The following DPP7 variants were observed in gnomAD, a reference collection of about 807,000 sequenced individuals.
DPP7 encodes dipeptidyl peptidase 7.
A neutral mutation model predicts 58.8 loss-of-function variants in DPP7; 74 were observed. The ratio of observed to expected loss-of-function variants is 1.26; its 90% CI spans 1.04 to 1.53. DPP7 has a LOEUF of 1.53. Among genes scored for constraint, DPP7 ranks in the 40% most tolerant of loss-of-function variants. DPP7 has a pLI of 0.00. For missense variants in DPP7, 807 were observed against 692.3 expected (o/e 1.17, Z -1.86); for synonymous variants, 350 against 303.6 (o/e 1.15, Z -1.59).
Position 137,112,760 on chromosome 9 carries a change from G to A in DPP7, c.916C>T (p.Leu306=), listed in dbSNP as rs1321776254. The A allele has an allele frequency of 1.9e-6, 3 of 1,607,212 alleles. No homozygotes were observed. In the African/African-American group the frequency reaches 4.0e-5, roughly 21 times the overall value. ...GGAAGGGCACCTGCCAGTGCTCGCA[G>A]CCCCGTGATCCTCTGGGCCTCACTC... ...LLSEAQRITG[L]RALAGLVYNA... is the part of the protein sequence containing the mutation. Residue 306 remains leucine, a synonymous_variant, in exon 8 of 13, where the codon CTG becomes TTG. Coordinates refer to ENST00000371579, the MANE Select transcript of DPP7 (RefSeq NM_013379.3).
intron 11 of DPP7, 108 bp downstream of exon 11, chr9:137,111,582 G>T (rs573465994): frequency 7.8e-7 from 1 of 1,283,884 alleles, no homozygotes; most frequent in Non-Finnish European, 1.1e-6. Context: ...AGGCTGCAGT[G>T]AACCCTGATC....
At position 137,110,860 on chromosome 9, in the gene DPP7, C is replaced by T. The variant is rs1364009903; in HGVS notation, c.1343+20G>A. On this transcript the variant is annotated intron_variant, in intron 12 of 12. Transcript: ENST00000371579. Reference sequence around the variant, plus strand: ...GTCCCGCCCGACCCGCGACCACCGCCAGGCCACCTCCCTCCGCACCTGAGG... The same window carrying T: ...GTCCCGCCCGACCCGCGACCACCGCTAGGCCACCTCCCTCCGCACCTGAGG... The T allele has an allele frequency of 8.1e-6, 13 of 1,609,266 alleles. No homozygotes were observed. Among genetic ancestry groups the T allele is most frequent in the African/African-American group, 1.3e-5 (1 of 74,888 alleles).
chr9:137,111,514 G>A (rs1408904623), intron 11 of DPP7, among the ~76,000 whole-genome samples, 176 bp downstream of exon 11: 1 of 152,184 alleles, frequency 6.6e-6, no homozygotes, highest in African/African-American at 2.4e-5. Context: ...AAATTAGCTG[G>A]GCATGTTGGT....
chr9:137,113,637 G>C, intron 4 of DPP7, 141 bp from the exon 5 acceptor site: 7 of 1,430,174 alleles, frequency 4.9e-6, no homozygotes, highest in Non-Finnish European at 6.4e-6. Flanking sequence ...TGCGGGTGCA[G>C]CTCTCACTGG....
chr9:137,116,423 AAGGTTTAGGGGATTT>A (rs1359806767), upstream of DPP7, among the ~76,000 whole-genome samples: 1 of 152,252 alleles, frequency 6.6e-6, no homozygotes, highest in Non-Finnish European at 1.5e-5. Flanking sequence ...GTATTGACTC[AAGGTTTAGGGGATTT>A]AGGGCTGTGC....
At chr9:137,118,193 G>A (rs1831672445), upstream of DPP7, among the ~76,000 whole-genome samples, 1 of 151,834 alleles carries the variant, frequency 6.6e-6, no homozygotes, top group South Asian at 2.1e-4. Flanking sequence ...TCAGCATGTT[G>A]GCCAGGCTGG....
chr9:137,115,518 A>G (rs1004473970), upstream of DPP7, among the ~76,000 whole-genome samples: 3 of 152,146 alleles, frequency 2.0e-5, no homozygotes. Flanking sequence ...ATGGGCCGCT[A>G]GCCAGGCCCA....
At chr9:137,117,808 A>G (rs1309229989), upstream of DPP7, among the ~76,000 whole-genome samples, 1 of 152,172 alleles carries the variant, frequency 6.6e-6, no homozygotes, top group East Asian at 1.9e-4. Flanking sequence ...GGCATTAGGT[A>G]CATTCCTGCC....
chr9:137,115,404 G>A (rs542523662), upstream of DPP7, among the ~76,000 whole-genome samples: 8 of 152,306 alleles, frequency 5.3e-5, no homozygotes, highest in East Asian at 1.5e-3. Flanking sequence ...GCACCCAGAG[G>A]ATGGAAGAAG....
chr9:137,111,690 C>G lies in DPP7; in HGVS notation c.1272G>C (p.Gly424=). Residue 424 remains glycine, a splice_region_variant and synonymous_variant, in exon 11 of 13, where the codon GGG becomes GGC. Transcript: ENST00000371579. ...NGNLDPWAGG[G]IRRNLSASVI... ...TCATAGGGCCCAGGCCAGGACTCAC[C>G]CCGCCCCCTGCCCAGGGGTCCAGGT... The G allele has an allele frequency of 6.2e-7, 1 of 1,613,462 alleles. No homozygotes were observed. The highest frequency in any genetic ancestry group is 1.1e-5 in the South Asian group (1 of 91,072).
chr9:137,113,030 C>G lies in DPP7; in HGVS notation c.793G>C (p.Ala265Pro), dbSNP rs748479319. The G allele has an allele frequency of 6.2e-7, 1 of 1,613,836 alleles. No individual in the cohort carries two copies. The highest frequency in any genetic ancestry group is 8.5e-7 in the Non-Finnish European group (1 of 1,180,016). The change falls in exon 7 of 13, where the codon GCC (alanine) becomes CCC (proline). Residue 265 changes from alanine to proline, a missense_variant. This residue lies in a region of DPP7 where 624 missense variants were observed against 531.2 expected (regional missense o/e 1.17). Transcript: ENST00000371579. ...TCCATCATGGCCAGCACGGTGAAGG[C>G]ATTCCGGGCGAACATGAAGAGCTGG... The part of the protein sequence containing the change: ...LTQLFMFARN[A>P]FTVLAMMDYP...
chr9:137,111,090 G>C, intron 11 of DPP7, 140 bp from the exon 12 acceptor site: 1 of 864,998 alleles, frequency 1.2e-6, no homozygotes. Context: ...AGCCAGAGAC[G>C]GAGGTGGGAA....
At chr9:137,118,267 C>T (rs983411921), upstream of DPP7, among the ~76,000 whole-genome samples, 2 of 149,014 alleles carry the variant, frequency 1.3e-5, no homozygotes, top group Non-Finnish European at 1.5e-5. Flanking sequence ...GGATTACAGG[C>T]GTGAGCCACC....
In DPP7 at chr9:137,111,860, C is replaced by G. The variant is rs774736108; in HGVS notation, c.1207+13G>C. ...AGAAAGCAGGACGCTGGCCCACCCCCCCTCAGCCTTACCACCCCCCCAGAA... is the reference window on the plus strand; with the variant it reads ...AGAAAGCAGGACGCTGGCCCACCCCGCCTCAGCCTTACCACCCCCCCAGAA... On this transcript the variant is annotated intron_variant, in intron 10 of 12. Coordinates refer to ENST00000371579, the MANE Select transcript of DPP7 (RefSeq NM_013379.3). The G allele has an allele frequency of 4.0e-6, 6 of 1,487,548 alleles. No homozygotes were observed. The highest frequency in any genetic ancestry group is 1.7e-5 in the Admixed American group (1 of 59,712). 92.1% of individuals were successfully genotyped at this position (1,487,548 alleles called of 1,614,324 possible).
In DPP7 at chr9:137,110,882, G is replaced by C; in HGVS notation, c.1341C>G (p.Leu447=). ...CGCCAGGCCACCTCCCTCCGCACCT[G>C]AGGTCGAGGTGGTGCGCTCCCCCCT... ...TIQGGAHHLD[L]RASHPEDPAS... Residue 447 remains leucine, a splice_region_variant and synonymous_variant, in exon 12 of 13, where the codon CTC becomes CTG. Coordinates refer to ENST00000371579, the MANE Select transcript of DPP7 (RefSeq NM_013379.3). The C allele has an allele frequency of 1.2e-6, 2 of 1,612,020 alleles. No homozygotes were observed. The highest frequency in any genetic ancestry group is 1.7e-6 in the Non-Finnish European group (2 of 1,179,790).
In DPP7 at chr9:137,112,926, C is replaced by T. The variant is rs2131150789; in HGVS notation, c.870+27G>A. Reference sequence around the variant, plus strand: ...CTCGGGACACTCCAGCCGGCCTCTCCCTGCGCCCTGGGAGGCGGCGCCTCA... The same window carrying T: ...CTCGGGACACTCCAGCCGGCCTCTCTCTGCGCCCTGGGAGGCGGCGCCTCA... On this transcript the variant is annotated intron_variant, in intron 7 of 12. Coordinates refer to ENST00000371579, the MANE Select transcript of DPP7 (RefSeq NM_013379.3). 2.5e-6 allele frequency: 4 copies of T among 1,612,172 alleles called. No homozygotes were observed. In the East Asian group the frequency reaches 8.9e-5, roughly 36 times the overall value.
At chr9:137,112,567 G>A (rs1831423834) in intron 8 of DPP7, 178 bp downstream of exon 8, 4 of 803,730 alleles carry the variant, frequency 5.0e-6, no homozygotes, top group Non-Finnish European at 5.8e-6. Flanking sequence ...GGGTCCCCAG[G>A]GACGGCCCCT....
chr9:137,113,237 G>A lies in DPP7; in HGVS notation c.672C>T (p.Phe224=), dbSNP rs375863050. The change falls in exon 6 of 13, where the codon TTC becomes TTT. Residue 224 remains phenylalanine (F), a synonymous_variant. Coordinates refer to ENST00000371579, the MANE Select transcript of DPP7 (RefSeq NM_013379.3). ...GTAGGAACAAGTCCTTGATCTGTCGGAACGCTTCCCGCACACCCTGGGTGC... is the reference window on the plus strand; with the variant it reads ...GTAGGAACAAGTCCTTGATCTGTCGAAACGCTTCCCGCACACCCTGGGTGC... The part of the protein sequence containing the change: ...PKCTQGVREA[F]RQIKDLFLQG... 4 of 1,613,636 alleles carry A rather than the reference G, an allele frequency of 2.5e-6. No individual in the cohort carries two copies. Among genetic ancestry groups the A allele is most frequent in the South Asian group, 2.2e-5 (2 of 91,094 alleles).
upstream of DPP7, chr9:137,115,083 G>A (rs1012171573): frequency 1.0e-5 from 2 of 194,208 alleles, no homozygotes; most frequent in African/African-American, 4.7e-5. Flanking sequence ...CCGGGAGAGT[G>A]GGGGCCGTTC....
Sources: gnomAD v4.1 joint callset for allele counts (sites outside exome capture counted in the v4.1 genomes callset) on GRCh38, gnomAD v4.1.1 for gene constraint, gnomAD v4.1.1 regional missense constraint, MANE v1.5 for transcripts, NCBI Gene and HGNC (gene_info 2026-07-23, HGNC 2026-07-21) for gene names.